Variants in HCRTR2 observed in about 807,000 individuals in gnomAD.
HCRTR2 encodes the protein hypocretin receptor 2.
Under a neutral mutation model 49.0 loss-of-function variants are expected in HCRTR2, and 22 were observed. The observed-to-expected ratio is 0.45, with a 90% confidence interval of 0.32 to 0.64. The LOEUF (loss-of-function observed/expected upper bound fraction) is 0.64, where lower values mean the gene tolerates loss of function less well. Ranked by LOEUF, HCRTR2 falls within the 30% of genes least tolerant of loss-of-function variation. HCRTR2 has a pLI of 0.04. For missense variants in HCRTR2, 491 were observed against 559.4 expected (o/e 0.88, Z 1.23); for synonymous variants, 236 against 205.3 (o/e 1.15, Z -1.28).
intron 4 of HCRTR2, among the ~76,000 whole-genome samples, chr6:55,275,791 G>T (rs2127330345): frequency 6.6e-6 from 1 of 152,046 alleles, no homozygotes; most frequent in Middle Eastern, 3.4e-3. Context: ...TGTATTTTTA[G>T]TAGAGGCGGG....
chr6:55,158,853 G>A (rs1764765841), intron 1 of HCRTR2, among the ~76,000 whole-genome samples: 1 of 152,226 alleles, frequency 6.6e-6, no homozygotes, highest in African/African-American at 2.4e-5. Context: ...AGGGCACCTG[G>A]GGAAAGGGGC....
At chr6:55,269,437 T>C (rs1210668126) in intron 4 of HCRTR2, among the ~76,000 whole-genome samples, 1 of 152,132 alleles carries the variant, frequency 6.6e-6, no homozygotes, top group Non-Finnish European at 1.5e-5. Context: ...GTAGGTTATG[T>C]GATATTTTAT....
intron 3 of HCRTR2, among the ~76,000 whole-genome samples, chr6:55,259,576 G>T (rs964908997): frequency 6.6e-6 from 1 of 151,714 alleles, no homozygotes; most frequent in Non-Finnish European, 1.5e-5. Flanking sequence ...ATTAAGTTTT[G>T]CCTGTCAAAT....
chr6:55,277,660 C>CAT, intron 5 of HCRTR2, 60 bp downstream of exon 5: 3 of 933,426 alleles, frequency 3.2e-6, no homozygotes, highest in Non-Finnish European at 4.8e-6. Flanking sequence ...TCTTAATTAA[C>CAT]TTTTTTTTTT....
intron 1 of HCRTR2, among the ~76,000 whole-genome samples, chr6:55,165,883 C>A (rs1427882789): frequency 6.6e-6 from 1 of 150,754 alleles, no homozygotes; most frequent in African/African-American, 2.4e-5. Flanking sequence ...ACACAAATGA[C>A]CAACAAGTTC....
At chr6:55,194,081 A>G (rs544652885) in intron 1 of HCRTR2, among the ~76,000 whole-genome samples, 4 of 152,252 alleles carry the variant, frequency 2.6e-5, no homozygotes, top group Admixed American at 2.6e-4. Flanking sequence ...TAGTTGAGCT[A>G]AAAAAAGAAA....
intron 1 of HCRTR2, among the ~76,000 whole-genome samples, chr6:55,220,884 A>T (rs2127295679): frequency 6.6e-6 from 1 of 152,308 alleles, no homozygotes; most frequent in Middle Eastern, 3.4e-3. Flanking sequence ...AAATGCAAAA[A>T]TCAGTTATGT....
At chr6:55,142,619 G>C (rs900100458) in intron 1 of HCRTR2, among the ~76,000 whole-genome samples, 2 of 151,796 alleles carry the variant, frequency 1.3e-5, no homozygotes, top group Non-Finnish European at 2.9e-5. Flanking sequence ...TACTATATAA[G>C]TATATGTAAG....
chr6:55,232,959 A>T (rs1289273376), intron 1 of HCRTR2, among the ~76,000 whole-genome samples: 1 of 152,226 alleles, frequency 6.6e-6, no homozygotes, highest in Non-Finnish European at 1.5e-5. Context: ...ATTTCAGAAG[A>T]AAATATTTTT....
chr6:55,174,808 T>C lies in HCRTR2; in HGVS notation c.221T>C (p.Leu74Pro). The C allele has an allele frequency of 6.2e-7, 1 of 1,613,150 alleles. No individual in the cohort carries two copies. The highest frequency in any genetic ancestry group is 8.5e-7 in the Non-Finnish European group (1 of 1,179,198). Residue 74 changes from leucine to proline, a missense_variant and splice_region_variant, in exon 1 of 7, where the codon CTG (leucine) becomes CCG (proline). Physicochemically the swap from Leu to Pro is moderately conservative, Grantham distance 98 (BLOSUM62 -3). Transcript: ENST00000370862. ...VFVVALIGNVLVCVAVWKNHH... is the reference protein window; with the variant it reads ...VFVVALIGNVPVCVAVWKNHH... Reference sequence around the variant, plus strand: ...GTCGTGGCTCTCATTGGGAACGTCCTGGGTGAGTCTCCTCCCGGGCAGCCC... The same window carrying C: ...GTCGTGGCTCTCATTGGGAACGTCCCGGGTGAGTCTCCTCCCGGGCAGCCC...
intron 1 of HCRTR2, among the ~76,000 whole-genome samples, chr6:55,206,653 GTTCT>G (rs1375440879): frequency 1.3e-5 from 2 of 151,886 alleles, no homozygotes; most frequent in Non-Finnish European, 2.9e-5. Flanking sequence ...TAAGGCTTAT[GTTCT>G]TAGCTCATTG....
At chr6:55,133,252 C>T (rs1311692007) in intron 1 of HCRTR2, among the ~76,000 whole-genome samples, 1 of 151,746 alleles carries the variant, frequency 6.6e-6, no homozygotes, top group African/African-American at 2.4e-5. Flanking sequence ...CTTCTTTGCT[C>T]TTGTTTTCAG....
chr6:55,116,715 G>GAGAGAGAAAA (rs55778468), intron 1 of HCRTR2, among the ~76,000 whole-genome samples: 1 of 88,520 alleles, frequency 1.1e-5, no homozygotes, highest in Non-Finnish European at 2.3e-5. Flanking sequence ...AAGAGAGAGA[G>GAGAGAGAAAA]AAAAAAAAAA....
chr6:55,133,384 C>CACA (rs1554167169), intron 1 of HCRTR2, among the ~76,000 whole-genome samples: 1 of 136,488 alleles, frequency 7.3e-6, no homozygotes, highest in Non-Finnish European at 1.6e-5. Flanking sequence ...TACACACACA[C>CACA]AAAAAAACAC....
intron 1 of HCRTR2, among the ~76,000 whole-genome samples, chr6:55,202,262 C>G (rs1184415321): frequency 6.6e-6 from 1 of 152,052 alleles, no homozygotes; most frequent in Non-Finnish European, 1.5e-5. Context: ...TTTGTTTTGT[C>G]TCTTTTCACC....
chr6:55,151,541 T>A (rs2127258152), intron 1 of HCRTR2, among the ~76,000 whole-genome samples: 1 of 152,150 alleles, frequency 6.6e-6, no homozygotes, highest in Non-Finnish European at 1.5e-5. Flanking sequence ...TTTCTTTTGC[T>A]ATTTCTACCA....
chr6:55,211,114 GCCTAGGTGTGTAGTAGGCTATA>G (rs1342445977), intron 1 of HCRTR2, among the ~76,000 whole-genome samples: 1 of 152,082 alleles, frequency 6.6e-6, no homozygotes, highest in Non-Finnish European at 1.5e-5. Flanking sequence ...ATACCCTATA[GCCTAGGTGTGTAGTAGGCTATA>G]CCATTAGATT....
At chr6:55,145,945 A>T (rs1221780314) in intron 1 of HCRTR2, among the ~76,000 whole-genome samples, 1 of 152,082 alleles carries the variant, frequency 6.6e-6, no homozygotes, top group Non-Finnish European at 1.5e-5. Flanking sequence ...AATGACCATC[A>T]GCAGGAAAAA....
At chr6:55,237,055 T>C (rs1348006802) in intron 1 of HCRTR2, among the ~76,000 whole-genome samples, 2 of 152,134 alleles carry the variant, frequency 1.3e-5, no homozygotes, top group Non-Finnish European at 2.9e-5. Flanking sequence ...TATAATCCTA[T>C]TAGATGGTTT....
Sources: gnomAD v4.1 joint callset for allele counts (sites outside exome capture counted in the v4.1 genomes callset) on GRCh38, gnomAD v4.1.1 for gene constraint, MANE v1.5 for transcripts, NCBI Gene and HGNC (gene_info 2026-07-23, HGNC 2026-07-21) for gene names.